The following RABGAP1L variants were observed in gnomAD, a reference collection of about 807,000 sequenced individuals.
RABGAP1L encodes RAB GTPase activating protein 1 like.
A neutral mutation model predicts 137.7 loss-of-function variants in RABGAP1L; 63 were observed. That is an observed-to-expected ratio of 0.46 (90% CI 0.37 to 0.56). The LOEUF is 0.56. Ranked by LOEUF, RABGAP1L falls within the 20% of genes least tolerant of loss-of-function variation. The pLI is 0.00. For synonymous variants in RABGAP1L, 431 were observed against 433.7 expected, an observed-to-expected ratio of 0.99 and a Z score of 0.08; for missense variants, 1,095 against 1,244.0, an observed-to-expected ratio of 0.88 and a Z score of 1.80.
chr1:174,590,357 T>A (rs1486578221), intron 13 of RABGAP1L, among the ~76,000 whole-genome samples: 25 of 148,134 alleles, frequency 1.7e-4, no homozygotes, highest in South Asian at 6.4e-4. Context: ...TATTTATTTT[T>A]TTTTTATTAT....
At chr1:174,913,312 A>G (rs1420386323) in intron 19 of RABGAP1L, among the ~76,000 whole-genome samples, 1 of 152,122 alleles carries the variant, frequency 6.6e-6, no homozygotes, top group Non-Finnish European at 1.5e-5. Flanking sequence ...ATAATAAAAC[A>G]ATATAACTAT....
At chr1:174,614,389 A>G (rs113575486) in intron 13 of RABGAP1L, among the ~76,000 whole-genome samples, 21,684 of 151,934 alleles carry the variant, frequency 0.14, 5,172 homozygotes, top group African/African-American at 0.49. Context: ...ATTGGCCCCC[A>G]CTCTCTTCTG....
At chr1:174,602,621 C>T (rs1412318266) in intron 13 of RABGAP1L, among the ~76,000 whole-genome samples, 17 of 152,050 alleles carry the variant, frequency 1.1e-4, no homozygotes, top group Non-Finnish European at 2.4e-4. Context: ...TAGGCATGCT[C>T]CATTGTTTTT....
intron 19 of RABGAP1L, among the ~76,000 whole-genome samples, chr1:174,940,589 T>A (rs1665707548): frequency 6.6e-6 from 1 of 152,170 alleles, no homozygotes; most frequent in African/African-American, 2.4e-5. Context: ...TTTCTTCTTT[T>A]CTTTATCTTC....
intron 18 of RABGAP1L, among the ~76,000 whole-genome samples, chr1:174,753,798 A>AT (rs1311785963): frequency 6.6e-6 from 1 of 152,242 alleles, no homozygotes; most frequent in African/African-American, 2.4e-5. Flanking sequence ...TAAAGTAAGT[A>AT]TAAGGAGGTC....
At chr1:174,819,526 AG>A (rs1690799645) in intron 19 of RABGAP1L, among the ~76,000 whole-genome samples, 1 of 152,214 alleles carries the variant, frequency 6.6e-6, no homozygotes, top group East Asian at 1.9e-4. Flanking sequence ...ATAAATGTTC[AG>A]AAGAGATATA....
intron 1 of RABGAP1L, among the ~76,000 whole-genome samples, chr1:174,215,971 A>G (rs577733365): frequency 1.3e-5 from 2 of 152,344 alleles, no homozygotes; most frequent in African/African-American, 4.8e-5. Context: ...CATAAAGAAG[A>G]AGGAGATCCT....
intron 1 of RABGAP1L, among the ~76,000 whole-genome samples, chr1:174,186,058 C>A (rs150835324): frequency 6.6e-6 from 1 of 151,308 alleles, no homozygotes; most frequent in African/African-American, 2.4e-5. Context: ...GCAGGAGAAT[C>A]GCTTGAACCC....
chr1:174,284,866 G>T (rs972969983), intron 10 of RABGAP1L, among the ~76,000 whole-genome samples: 2 of 147,540 alleles, frequency 1.4e-5, no homozygotes, highest in Non-Finnish European at 3.0e-5. Context: ...TGTGAAAAAT[G>T]CCATTGGGAT....
intron 21 of RABGAP1L, among the ~76,000 whole-genome samples, chr1:174,974,149 C>T (rs748445799): frequency 6.6e-5 from 10 of 151,970 alleles, no homozygotes; most frequent in South Asian, 2.1e-4. Flanking sequence ...CCACCATGCC[C>T]GGCTAATTTT....
chr1:174,540,134 G>T (rs1209328007), intron 13 of RABGAP1L, among the ~76,000 whole-genome samples: 1 of 152,094 alleles, frequency 6.6e-6, no homozygotes, highest in Non-Finnish European at 1.5e-5. Flanking sequence ...ACTTTTTGAT[G>T]GGGTAGTTTG....
chr1:174,408,233 T>C (rs557027429), intron 13 of RABGAP1L, among the ~76,000 whole-genome samples: 273 of 152,218 alleles, frequency 1.8e-3, no homozygotes, highest in Non-Finnish European at 2.9e-3. Context: ...AGCCTTCTGT[T>C]AGCCTCCATT....
chr1:174,447,890 G>A (rs917376004), intron 13 of RABGAP1L, among the ~76,000 whole-genome samples: 2 of 69,566 alleles, frequency 2.9e-5, no homozygotes, highest in Non-Finnish European at 5.9e-5. Flanking sequence ...ACCCCTTACC[G>A]CCCCCCCCCC....
intron 13 of RABGAP1L, among the ~76,000 whole-genome samples, chr1:174,539,695 A>G (rs1665202932): frequency 6.6e-6 from 1 of 152,196 alleles, no homozygotes; most frequent in South Asian, 2.1e-4. Flanking sequence ...TCTATCATTG[A>G]TGGACATTTG....
At chr1:174,609,693 T>A (rs1181124026) in intron 13 of RABGAP1L, among the ~76,000 whole-genome samples, 2 of 152,190 alleles carry the variant, frequency 1.3e-5, no homozygotes, top group Admixed American at 1.3e-4. Flanking sequence ...GACAGATACC[T>A]GAGATTTAAA....
At chr1:174,223,182 C>T (rs564342144) in intron 3 of RABGAP1L, among the ~76,000 whole-genome samples, 91 of 144,878 alleles carry the variant, frequency 6.3e-4, no homozygotes, top group African/African-American at 2.1e-3. Flanking sequence ...GCGAGAGAAT[C>T]GCTTGAACCT....
At chr1:174,622,615 A>G (rs376149908) in intron 13 of RABGAP1L, among the ~76,000 whole-genome samples, 3 of 152,166 alleles carry the variant, frequency 2.0e-5, no homozygotes, top group Non-Finnish European at 4.4e-5. Context: ...CAGAAAACCA[A>G]ACACCGCATG....
chr1:174,557,617 T>G (rs996744235), intron 13 of RABGAP1L, among the ~76,000 whole-genome samples: 1 of 152,190 alleles, frequency 6.6e-6, no homozygotes, highest in African/African-American at 2.4e-5. Flanking sequence ...TGGCCAGATA[T>G]GGGGGCAGCC....
intron 13 of RABGAP1L, among the ~76,000 whole-genome samples, chr1:174,400,747 A>G (rs1016070576): frequency 5.9e-5 from 9 of 152,078 alleles, no homozygotes; most frequent in Non-Finnish European, 1.2e-4. Context: ...TTAGTACCCT[A>G]GAGAATTTTG....
Sources: gnomAD v4.1 joint callset for allele counts (sites outside exome capture counted in the v4.1 genomes callset) on GRCh38, gnomAD v4.1.1 for gene constraint, MANE v1.5 for transcripts, NCBI Gene and HGNC (gene_info 2026-07-23, HGNC 2026-07-21) for gene names.